The following C8orf34 variants were observed in gnomAD, a reference collection of about 807,000 sequenced individuals.
C8orf34 encodes the protein chromosome 8 open reading frame 34.
In C8orf34, 65 loss-of-function variants were observed where a neutral mutation model predicts 68.3. The observed-to-expected ratio is 0.95, with a 90% CI of 0.78 to 1.17. C8orf34 has a LOEUF of 1.17. Ranked by LOEUF, C8orf34 falls within the 50% of genes most tolerant of loss-of-function variation. The pLI is 0.00. For missense variants in C8orf34, 664 were observed against 655.4 expected, an observed-to-expected ratio of 1.01 and a Z score of -0.14; for synonymous variants, 244 against 241.2, an observed-to-expected ratio of 1.01 and a Z score of -0.11.
At chr8:68,344,342 CA>C (rs1447730252) in intron 1 of C8orf34, among the ~76,000 whole-genome samples, 1 of 152,100 alleles carries the variant, frequency 6.6e-6, no homozygotes, top group Non-Finnish European at 1.5e-5. Flanking sequence ...TGTGTGATTA[CA>C]TTTATAAAAT....
chr8:68,664,109 G>A (rs1249396352), intron 8 of C8orf34, among the ~76,000 whole-genome samples: 4 of 152,168 alleles, frequency 2.6e-5, no homozygotes, highest in African/African-American at 9.7e-5. Context: ...AGACATTTGG[G>A]TGGCAGTGAG....
At chr8:68,379,141 CA>C (rs2129620117) in intron 1 of C8orf34, among the ~76,000 whole-genome samples, 1 of 152,176 alleles carries the variant, frequency 6.6e-6, no homozygotes, top group South Asian at 2.1e-4. Context: ...ATATATAAAT[CA>C]ATTAATTACA....
At chr8:68,345,743 G>A (rs1160415960) in intron 1 of C8orf34, among the ~76,000 whole-genome samples, 2 of 151,634 alleles carry the variant, frequency 1.3e-5, no homozygotes, top group Non-Finnish European at 2.9e-5. Flanking sequence ...ATACATATAA[G>A]TGGGTATATA....
chr8:68,403,424 G>T (rs183596378), intron 1 of C8orf34, among the ~76,000 whole-genome samples: 1 of 152,058 alleles, frequency 6.6e-6, no homozygotes, highest in Admixed American at 6.6e-5. Context: ...TGGGGTACAC[G>T]TGCAAAACGT....
intron 8 of C8orf34, among the ~76,000 whole-genome samples, chr8:68,662,012 T>C (rs1446375851): frequency 6.6e-6 from 1 of 152,124 alleles, no homozygotes; most frequent in Non-Finnish European, 1.5e-5. Context: ...ACCATGTTAA[T>C]TATATGCAAA....
chr8:68,353,607 C>CAT (rs989430236), intron 1 of C8orf34, among the ~76,000 whole-genome samples: 51 of 143,114 alleles, frequency 3.6e-4, no homozygotes, highest in African/African-American at 8.2e-4. Context: ...TATACACACA[C>CAT]ATATATATAT....
intron 7 of C8orf34, among the ~76,000 whole-genome samples, chr8:68,624,883 G>A (rs1227230834): frequency 2.0e-5 from 3 of 150,586 alleles, no homozygotes; most frequent in East Asian, 3.9e-4. Context: ...CCACAGGCAT[G>A]TGCCACCATG....
intron 8 of C8orf34, 29 bp from the exon 9 acceptor site, chr8:68,708,965 T>A: frequency 6.7e-7 from 1 of 1,482,760 alleles, no homozygotes; most frequent in Non-Finnish European, 9.4e-7. Context: ...CATTATGAGA[T>A]GTTTCAATGA....
At chr8:68,342,164 A>T (rs1177519581) in intron 1 of C8orf34, among the ~76,000 whole-genome samples, 4 of 152,234 alleles carry the variant, frequency 2.6e-5, no homozygotes, top group Non-Finnish European at 5.9e-5. Context: ...TAATATATCA[A>T]AATATCACAT....
Position 68,606,615 on chromosome 8 carries a change from CA to C in C8orf34, c.1106-33759del, listed in dbSNP as rs1586440520. On this transcript the variant is annotated intron_variant, in intron 7 of 13. Transcript: ENST00000518698. Reference sequence around the variant, plus strand: ...TGGATCTAGTGAGATTAATGTCATCCAATAAATTTGTAGCTAAATCAACACA... The same window carrying C: ...TGGATCTAGTGAGATTAATGTCATCCATAAATTTGTAGCTAAATCAACACA... 3.3e-5 allele frequency among the ~76,000 whole-genome samples: 5 copies of C among 151,902 alleles called. No homozygotes were observed. The South Asian group carries it at 1.0e-3, about 32-fold the overall frequency.
intron 10 of C8orf34, among the ~76,000 whole-genome samples, chr8:68,774,690 A>T (rs964707357): frequency 6.6e-6 from 1 of 151,876 alleles, no homozygotes; most frequent in Non-Finnish European, 1.5e-5. Flanking sequence ...TTTTGTTTTG[A>T]CATGAGCATG....
At chr8:68,745,835 A>G (rs974102628) in intron 10 of C8orf34, among the ~76,000 whole-genome samples, 2 of 152,168 alleles carry the variant, frequency 1.3e-5, no homozygotes, top group Admixed American at 6.5e-5. Flanking sequence ...ACGAGACAGA[A>G]AGTCAACAAG....
intron 7 of C8orf34, among the ~76,000 whole-genome samples, chr8:68,576,101 A>T (rs994880998): frequency 6.6e-6 from 1 of 151,210 alleles, no homozygotes; most frequent in African/African-American, 2.4e-5. Flanking sequence ...AACATTCAAG[A>T]TGCTAGATCA....
intron 1 of C8orf34, among the ~76,000 whole-genome samples, chr8:68,333,822 G>A (rs751852427): frequency 2.6e-5 from 4 of 152,178 alleles, no homozygotes; most frequent in Non-Finnish European, 5.9e-5. Context: ...GAAATTGGCC[G>A]CTTCATGTCT....
At chr8:68,409,464 A>C (rs144655935) in intron 1 of C8orf34, among the ~76,000 whole-genome samples, 3 of 152,312 alleles carry the variant, frequency 2.0e-5, no homozygotes, top group African/African-American at 4.8e-5. Flanking sequence ...AAACATGAGA[A>C]ATTAAAAAGT....
chr8:68,590,112 AAAGAGAAAGG>A (rs534798328), intron 7 of C8orf34, among the ~76,000 whole-genome samples: 192 of 150,620 alleles, frequency 1.3e-3, no homozygotes, highest in African/African-American at 4.5e-3. Context: ...AAGAAAAAGA[AAAGAGAAAGG>A]AAGAGAAAGG....
At chr8:68,463,939 C>G (rs1011749396) in intron 3 of C8orf34, among the ~76,000 whole-genome samples, 1 of 152,078 alleles carries the variant, frequency 6.6e-6, no homozygotes, top group African/African-American at 2.4e-5. Context: ...AAGTTCTGGC[C>G]AGGGCAATTA....
chr8:68,450,755 G>C (rs1811307643), intron 3 of C8orf34, among the ~76,000 whole-genome samples: 1 of 152,078 alleles, frequency 6.6e-6, no homozygotes, highest in South Asian at 2.1e-4. Context: ...AGGCTTTGTT[G>C]TTTTATCTGT....
intron 8 of C8orf34, among the ~76,000 whole-genome samples, chr8:68,653,351 A>G (rs1310404630): frequency 1.3e-5 from 2 of 152,206 alleles, no homozygotes; most frequent in African/African-American, 2.4e-5. Context: ...CTGTATAGCA[A>G]TATAATTTCT....
Sources: gnomAD v4.1 joint callset for allele counts (sites outside exome capture counted in the v4.1 genomes callset) on GRCh38, gnomAD v4.1.1 for gene constraint, MANE v1.5 for transcripts, NCBI Gene and HGNC (gene_info 2026-07-23, HGNC 2026-07-21) for gene names.